Variants in COL5A3 observed in about 807,000 individuals in gnomAD.
COL5A3 encodes the protein collagen type V alpha 3 chain, also known as collagen alpha-3(V) chain.
COL5A3 carries 172 observed loss-of-function variants against 250.0 expected under a neutral mutation model. The ratio of observed to expected loss-of-function variants is 0.69; its 90% CI spans 0.61 to 0.78. The LOEUF (loss-of-function observed/expected upper bound fraction) is 0.78. COL5A3 is among the 30% of genes least tolerant of loss of function. The pLI, the probability that COL5A3 is intolerant of heterozygous loss-of-function variation, is 0.00. For missense variants in COL5A3, 2,340 were observed against 2,334.4 expected, an observed-to-expected ratio of 1.00 and a Z score of -0.05; for synonymous variants, 937 against 900.4, an observed-to-expected ratio of 1.04 and a Z score of -0.73.
intron 41 of COL5A3, among the ~76,000 whole-genome samples, 156 bp from the exon 42 acceptor site, chr19:9,977,857 G>A (rs2086945606): frequency 6.6e-6 from 1 of 151,504 alleles, no homozygotes; most frequent in South Asian, 2.1e-4. Flanking sequence ...GAGCACCTGA[G>A]GGGCAGGGCA....
chr19:10,008,329 C>T (rs1324454577), intron 1 of COL5A3, among the ~76,000 whole-genome samples: 1 of 152,104 alleles, frequency 6.6e-6, no homozygotes, highest in African/African-American at 2.4e-5. Flanking sequence ...CTGCTTGAAA[C>T]TTGTGTCCCC....
intron 1 of COL5A3, among the ~76,000 whole-genome samples, chr19:10,008,351 C>T (rs1390139720): frequency 2.0e-5 from 3 of 150,970 alleles, no homozygotes; most frequent in Admixed American, 2.0e-4. Flanking sequence ...CTGGAATGAC[C>T]TTTCAGAAAC....
chr19:9,994,700 C>A (rs1296660146), intron 16 of COL5A3, among the ~76,000 whole-genome samples: 1 of 149,160 alleles, frequency 6.7e-6, no homozygotes, highest in African/African-American at 2.5e-5. Flanking sequence ...TGCACTTACA[C>A]AACTCTGGAT....
rs2087503525 is a variant in COL5A3, at chr19:10,009,951, C to CAG, written c.88+346_88+347insCT. Among the ~76,000 whole-genome samples the CAG allele has an allele frequency of 6.6e-6, 1 of 152,164 alleles. No individual in the cohort carries two copies. Among genetic ancestry groups the CAG allele is most frequent in the Non-Finnish European group, 1.5e-5 (1 of 68,036 alleles). Reference sequence around the variant, plus strand: ...ACACCGTCCCAGCACTGCCCTGTCACTCACAGTCACACTATCACCATCAAC... The same window carrying CAG: ...ACACCGTCCCAGCACTGCCCTGTCACAGTCACAGTCACACTATCACCATCAAC... On this transcript the variant is annotated intron_variant, in intron 1 of 66. Transcript: ENST00000264828. The surrounding 1 kb of genome is among the most constrained non-coding windows in gnomAD (Gnocchi z 4.4).
chr19:9,960,460 G>A lies in COL5A3; in HGVS notation c.5189C>T (p.Thr1730Met), dbSNP rs776835385. 17 of 1,614,056 alleles carry A rather than the reference G, an allele frequency of 1.1e-5. No homozygotes were observed. The highest frequency in any genetic ancestry group is 8.8e-5 in the South Asian group (8 of 91,084). The change falls in exon 67 of 67, where the codon ACG becomes ATG. Residue 1730 changes from threonine to methionine, a missense_variant. Thr to Met is a moderately conservative substitution (Grantham distance 81, BLOSUM62 -1). This residue lies in a region of COL5A3 where 1,179 missense variants were observed against 1,162.6 expected (regional missense o/e 1.01). Coordinates refer to ENST00000264828, the MANE Select transcript of COL5A3 (RefSeq NM_015719.4). ...WDVAATDFGQ[T>M]NQKFGFELGP... is the part of the protein sequence containing the mutation. ...CAGTTCAAACCCAAACTTTTGGTTC[G>A]TCTGGCCAAAGTCAGTGGCCGCCAC...
At chr19:9,987,599 A>C (rs1209816076) in intron 27 of COL5A3, among the ~76,000 whole-genome samples, 1 of 151,596 alleles carries the variant, frequency 6.6e-6, no homozygotes, top group East Asian at 1.9e-4. Context: ...AAAAGAAAAA[A>C]GGTAGCCGGA....
intron 8 of COL5A3, 97 bp from the exon 9 acceptor site, chr19:9,998,246 A>ACACACG: frequency 8.5e-7 from 1 of 1,180,318 alleles, no homozygotes; most frequent in Admixed American, 2.1e-5. Flanking sequence ...ACACACACAC[A>ACACACG]CACACACACA....
At position 9,967,331 on chromosome 19, in the gene COL5A3, C is replaced by T. The variant is rs750270157; in HGVS notation, c.4458+16G>A. The T allele has an allele frequency of 3.1e-5, 44 of 1,421,512 alleles. No homozygotes were observed. Among genetic ancestry groups the T allele is most frequent in the Non-Finnish European group, 3.8e-5 (42 of 1,091,964 alleles). 88.1% of individuals were successfully genotyped at this position (1,421,512 alleles called of 1,614,324 possible). A position where few individuals can be genotyped will look rare whatever the true frequency, so the allele number is the denominator to read the frequency against. ...CAGGTTTTGGTGTCCATTCCCCCGC[C>T]CCCCGGGGAACTCACCGGGGGGCCT... is the stretch of plus-strand genomic sequence containing the variant. On this transcript the variant is annotated intron_variant, in intron 62 of 66. Coordinates refer to ENST00000264828, the MANE Select transcript of COL5A3 (RefSeq NM_015719.4).
At chr19:10,006,311 C>T (rs1236324575) in intron 1 of COL5A3, 80 bp from the exon 2 acceptor site, 5 of 1,378,842 alleles carry the variant, frequency 3.6e-6, no homozygotes, top group African/African-American at 1.5e-5. Context: ...GATAGAGGCT[C>T]AGGGTTTTTT....
At chr19:9,989,643 G>T in intron 24 of COL5A3, 121 bp from the exon 25 acceptor site, 1 of 886,720 alleles carries the variant, frequency 1.1e-6, no homozygotes, top group Non-Finnish European at 1.7e-6. Context: ...CACTGGCCAG[G>T]AAATCTATCC....
At chr19:9,999,000 T>A (rs936591364) in intron 8 of COL5A3, among the ~76,000 whole-genome samples, 1 of 144,012 alleles carries the variant, frequency 6.9e-6, no homozygotes, top group African/African-American at 2.7e-5. Context: ...TTCCTTCCTT[T>A]CTTTCTTTTC....
At chr19:10,004,225 C>T (rs2087407010) in intron 4 of COL5A3, 80 bp from the exon 5 acceptor site, 1 of 975,942 alleles carries the variant, frequency 1.0e-6, no homozygotes. Context: ...CCCCAGCAGT[C>T]CTGCCCACCT....
chr19:9,960,840 G>T lies in COL5A3; in HGVS notation c.4902C>A (p.Asn1634Lys). The change falls in exon 66 of 67, where the codon AAC becomes AAA. Residue 1634 changes from asparagine to lysine, a missense_variant. Asn to Lys is a moderately conservative substitution (Grantham distance 94). Around this residue, in one of 3 missense-constraint regions of COL5A3, gnomAD observed 1,179 missense variants for 1,162.6 expected, o/e 1.01. Coordinates refer to ENST00000264828, the MANE Select transcript of COL5A3 (RefSeq NM_015719.4). The part of the protein sequence containing the change: ...DGSPVNVVQL[N>K]FLKLLSATAR... Reference sequence around the variant, plus strand: ...CTGTGGCACTCAGCAGTTTCAGGAAGTTCAGCTGCACGACATTCACTGGGG... The same window carrying T: ...CTGTGGCACTCAGCAGTTTCAGGAATTTCAGCTGCACGACATTCACTGGGG... The T allele has an allele frequency of 1.2e-6, 2 of 1,612,194 alleles. No individual in the cohort carries two copies. Among genetic ancestry groups the T allele is most frequent in the East Asian group, 2.2e-5 (1 of 44,886 alleles).
At chr19:10,002,832 C>A (rs542761998) in intron 6 of COL5A3, among the ~76,000 whole-genome samples, 7 of 152,158 alleles carry the variant, frequency 4.6e-5, no homozygotes, top group East Asian at 1.9e-4. Flanking sequence ...ACTCCCAAAC[C>A]AATTACCCCA....
intron 26 of COL5A3, 41 bp from the exon 27 acceptor site, chr19:9,989,218 T>A (rs1439742289): frequency 3.1e-6 from 5 of 1,612,964 alleles, no homozygotes; most frequent in Non-Finnish European, 4.2e-6. Flanking sequence ...AGACAGTCCC[T>A]TCCACATTCT....
rs1211991045 is a variant in COL5A3, at chr19:9,989,525, G to A, written c.1993-3C>T. On this transcript the variant is annotated splice_polypyrimidine_tract_variant and splice_region_variant and intron_variant, in intron 24 of 66. Transcript: ENST00000264828. Reference sequence around the variant, plus strand: ...ATTCCTGGGTTTCCAGGGGGACCCTGAAAGAAGATGAACAGCAGGGGAGAG... The same window carrying A: ...ATTCCTGGGTTTCCAGGGGGACCCTAAAAGAAGATGAACAGCAGGGGAGAG... 3 of 1,610,360 alleles carry A rather than the reference G, an allele frequency of 1.9e-6. No individual in the cohort carries two copies. The African/African-American group carries it at 4.0e-5, about 22-fold the overall frequency.
intron 8 of COL5A3, 52 bp downstream of exon 8, chr19:10,001,472 T>A (rs12980478): frequency 0.15 from 240,678 of 1,555,162 alleles, 20,293 homozygotes; most frequent in Non-Finnish European, 0.17. Flanking sequence ...TAAAAAAATT[T>A]TAATAGGAAT....
Position 9,996,321 on chromosome 19 carries a change from C to T in COL5A3, c.1423-59G>A, listed in dbSNP as rs186597321. The T allele has an allele frequency of 5.3e-5, 82 of 1,550,792 alleles. 1 individual carries two copies. The East Asian group carries it at 1.8e-3, about 34-fold the overall frequency. The stretch of plus-strand genomic sequence containing the variant: ...CCCACAAGACCCCCAACATTCCCCA[C>T]AGAGGCATCTTCAGGAGAAAAATAA... On this transcript the variant is annotated intron_variant, in intron 13 of 66. Coordinates refer to ENST00000264828, the MANE Select transcript of COL5A3 (RefSeq NM_015719.4).
In COL5A3 at chr19:9,977,420, A is replaced by G; in HGVS notation, c.3179T>C (p.Leu1060Pro). The change falls in exon 43 of 67, where the codon CTG (leucine) becomes CCG (proline). Residue 1060 changes from leucine to proline, a missense_variant. Physicochemically the swap from Leu to Pro is moderately conservative, Grantham distance 98. Transcript: ENST00000264828. ...AGCTCCAGGGGGTCCCAGAGGCCCC[A>G]GGGGCCCTGGGATCCCATCTTTGCC... ...PTGKDGIPGP[L>P]GPLGPPGAAG... The G allele has an allele frequency of 1.3e-6, 2 of 1,531,206 alleles. No homozygotes were observed. The highest frequency in any genetic ancestry group is 1.8e-6 in the Non-Finnish European group (2 of 1,141,086). 94.9% of individuals were successfully genotyped at this position (1,531,206 alleles called of 1,614,324 possible).
Sources: allele counts gnomAD v4.1 joint callset (sites outside exome capture counted in the v4.1 genomes callset), GRCh38; gene constraint gnomAD v4.1.1; regional missense constraint gnomAD v4.1.1; non-coding constraint Gnocchi (gnomAD v3.1); transcripts MANE v1.5; gene names NCBI Gene and HGNC (gene_info 2026-07-23, HGNC 2026-07-21).